The following RGS6 variants were observed in gnomAD, a reference collection of about 807,000 sequenced individuals.
RGS6 encodes the protein regulator of G-protein signaling 6.
In RGS6, 30 loss-of-function variants were observed where a neutral mutation model predicts 78.5. That is an observed-to-expected ratio of 0.38 (90% CI 0.29 to 0.52). The LOEUF (loss-of-function observed/expected upper bound fraction) is 0.52, where lower values mean the gene tolerates loss of function less well. Ranked by LOEUF, RGS6 falls within the 20% of genes least tolerant of loss-of-function variation. The pLI is 0.85. For synonymous variants in RGS6, 206 were observed against 206.0 expected, an observed-to-expected ratio of 1.00 and a Z score of 0.00; for missense variants, 495 against 609.7, an observed-to-expected ratio of 0.81 and a Z score of 1.98.
intron 2 of RGS6, among the ~76,000 whole-genome samples, chr14:72,314,248 G>A (rs544339001): frequency 1.3e-5 from 2 of 152,144 alleles, no homozygotes; most frequent in Admixed American, 1.3e-4. Context: ...CCGCCTCAGG[G>A]GTTAGACAGC....
chr14:72,609,189 G>A, the RGS6 span, among the ~76,000 whole-genome samples: 8 of 152,220 alleles, frequency 5.3e-5, no homozygotes, highest in South Asian at 2.1e-4. Flanking sequence ...GAGAACGTGC[G>A]AGCATTCCAT....
At chr14:72,093,173 C>T (rs181480201) in intron 2 of RGS6, among the ~76,000 whole-genome samples, 1 of 152,284 alleles carries the variant, frequency 6.6e-6, no homozygotes, top group African/African-American at 2.4e-5. Context: ...TCTTCAAGGA[C>T]GACCAATATC....
At chr14:71,921,342 C>T in the RGS6 span, among the ~76,000 whole-genome samples, 298 of 152,292 alleles carry the variant, frequency 2.0e-3, no homozygotes, top group African/African-American at 6.6e-3. Flanking sequence ...ATAGAACTAC[C>T]GTATTACCCA....
chr14:72,166,598 G>C (rs74474611), intron 2 of RGS6, among the ~76,000 whole-genome samples: 1,596 of 152,322 alleles, frequency 0.01, 35 homozygotes, highest in African/African-American at 0.036. Context: ...TTTAGAAATA[G>C]ACCAAGGATG....
rs557067877 is a variant in RGS6 at position 72,216,677 on chromosome 14, G to T, written c.85-135418G>T. Among the ~76,000 whole-genome samples the T allele has an allele frequency of 6.4e-4, 98 of 152,312 alleles. 1 individual carries two copies. The highest frequency in any genetic ancestry group is 3.4e-3 in the Middle Eastern group (1 of 294). On this transcript the variant is annotated intron_variant, in intron 2 of 17. Transcript: ENST00000553525. ...AAATGACACTTCCTGCCTGGGAACA[G>T]TTCTGGCGAAATAATGAACCTGTAG...
intron 12 of RGS6, among the ~76,000 whole-genome samples, chr14:72,494,555 C>T (rs1224099453): frequency 6.6e-6 from 1 of 151,958 alleles, no homozygotes; most frequent in Non-Finnish European, 1.5e-5. Context: ...TATTCACATA[C>T]ATTTTGATAA....
intron 2 of RGS6, among the ~76,000 whole-genome samples, chr14:72,144,470 C>T (rs566904177): frequency 8.7e-4 from 132 of 152,298 alleles, no homozygotes; most frequent in African/African-American, 2.7e-3. Context: ...TATTTTTGAG[C>T]CTTGAGGTTC....
intron 2 of RGS6, among the ~76,000 whole-genome samples, chr14:72,200,179 A>G (rs1283339126): frequency 6.6e-6 from 1 of 152,220 alleles, no homozygotes; most frequent in Non-Finnish European, 1.5e-5. Flanking sequence ...AATCTAGTCT[A>G]TTCTCAACAT....
chr14:72,009,320 C>T lies in RGS6; in HGVS notation c.84+44445C>T, dbSNP rs139899349. The stretch of plus-strand genomic sequence containing the variant: ...CATTAACTGTGCCACTGAACTCCCG[C>T]CTAGGTGACAGAGTGAGACCCCCCA... On this transcript the variant is annotated intron_variant, in intron 2 of 17. Transcript: ENST00000553525. Among the ~76,000 whole-genome samples, 272 of 152,224 alleles carry T rather than the reference C, an allele frequency of 1.8e-3. 1 individual carries two copies. Among genetic ancestry groups the T allele is most frequent in the Non-Finnish European group, 3.5e-4 (24 of 68,008 alleles).
chr14:71,888,382 CA>C, the RGS6 span, among the ~76,000 whole-genome samples: 79,349 of 149,646 alleles, frequency 0.53, 23,951 homozygotes, highest in Non-Finnish European at 0.68. Context: ...CCTGTCATTG[CA>C]TGCCAGCCTG....
At chr14:72,249,118 G>A (rs1256940934) in intron 2 of RGS6, among the ~76,000 whole-genome samples, 2 of 152,212 alleles carry the variant, frequency 1.3e-5, no homozygotes, top group African/African-American at 2.4e-5. Flanking sequence ...TATACTTCCT[G>A]TACACATGGG....
At chr14:72,184,094 C>A (rs568321601) in intron 2 of RGS6, among the ~76,000 whole-genome samples, 23 of 152,016 alleles carry the variant, frequency 1.5e-4, no homozygotes, top group African/African-American at 5.5e-4. Context: ...ATTTATTGTC[C>A]CTACACCTTG....
chr14:72,191,850 A>G (rs942079108), intron 2 of RGS6, among the ~76,000 whole-genome samples: 5 of 152,086 alleles, frequency 3.3e-5, no homozygotes, highest in African/African-American at 9.7e-5. Context: ...CTTTCTTCAC[A>G]TCTCTGCTGA....
intron 2 of RGS6, among the ~76,000 whole-genome samples, chr14:72,042,058 C>G (rs777992797): frequency 2.0e-5 from 3 of 151,808 alleles, no homozygotes; most frequent in African/African-American, 7.3e-5. Flanking sequence ...TACTGCTTAA[C>G]TTCTGCCTAC....
chr14:72,128,518 G>T (rs2096249608), intron 2 of RGS6, among the ~76,000 whole-genome samples: 1 of 151,940 alleles, frequency 6.6e-6, no homozygotes, highest in African/African-American at 2.4e-5. Context: ...GTTGAACCTG[G>T]AAATGTGATA....
chr14:71,896,829 C>T, the RGS6 span, among the ~76,000 whole-genome samples: 5 of 152,136 alleles, frequency 3.3e-5, no homozygotes, highest in African/African-American at 7.2e-5. Flanking sequence ...GTATGTGTAG[C>T]GGAAATTGGT....
intron 2 of RGS6, among the ~76,000 whole-genome samples, chr14:72,303,094 A>G (rs1445990041): frequency 6.6e-6 from 1 of 152,208 alleles, no homozygotes; most frequent in Non-Finnish European, 1.5e-5. Context: ...CAGCATGAGA[A>G]CAGACTAATA....
intron 2 of RGS6, among the ~76,000 whole-genome samples, chr14:72,224,195 G>A (rs2047546007): frequency 6.6e-6 from 1 of 152,216 alleles, no homozygotes; most frequent in Non-Finnish European, 1.5e-5. Flanking sequence ...AAGGTGGGCA[G>A]ATTGCTTGAG....
intron 17 of RGS6, among the ~76,000 whole-genome samples, chr14:72,552,023 T>C (rs1451483615): frequency 6.6e-6 from 1 of 152,230 alleles, no homozygotes; most frequent in Non-Finnish European, 1.5e-5. Context: ...ATTATGATAT[T>C]ATTTGCAGCT....
Sources: gnomAD v4.1 joint callset for allele counts (sites outside exome capture counted in the v4.1 genomes callset) on GRCh38, gnomAD v4.1.1 for gene constraint, MANE v1.5 for transcripts, NCBI Gene and HGNC (gene_info 2026-07-23, HGNC 2026-07-21) for gene names.